The following NCOA7 variants were observed in gnomAD, a reference collection of about 807,000 sequenced individuals.
NCOA7 encodes the protein nuclear receptor coactivator 7, also known as 140 kDa estrogen receptor-associated protein.
A neutral mutation model predicts 104.3 loss-of-function variants in NCOA7; 45 were observed. The ratio of observed to expected loss-of-function variants is 0.43; its 90% CI spans 0.34 to 0.55. The LOEUF is 0.55. Among genes scored for constraint, NCOA7 ranks in the 20% least tolerant of loss-of-function variants. The probability of loss-of-function intolerance (pLI) is 0.02; values close to 1 mark genes in which losing one functional copy is unlikely to be tolerated. For missense variants in NCOA7, 1,041 were observed against 1,119.7 expected, an observed-to-expected ratio of 0.93 and a Z score of 1.00; for synonymous variants, 398 against 402.3, an observed-to-expected ratio of 0.99 and a Z score of 0.13.
rs1780732333 is a variant in NCOA7, at chr6:125,847,544, T to G, written c.51-7476T>G. Among the ~76,000 whole-genome samples, 4 of 152,204 alleles carry G rather than the reference T, an allele frequency of 2.6e-5. 1 individual carries two copies. The South Asian group carries it at 8.3e-4, about 31-fold the overall frequency. On this transcript the variant is annotated intron_variant, in intron 2 of 15. Coordinates refer to ENST00000392477, the MANE Select transcript of NCOA7 (RefSeq NM_181782.5). Reference sequence around the variant, plus strand: ...AACAGAGTCATATATAACTGTGAATTTAATACTAATTAAAGCAGTCTGTAG... The same window carrying G: ...AACAGAGTCATATATAACTGTGAATGTAATACTAATTAAAGCAGTCTGTAG...
chr6:125,862,810 A>C (rs984550518), intron 3 of NCOA7, among the ~76,000 whole-genome samples: 1 of 138,422 alleles, frequency 7.2e-6, no homozygotes, highest in Non-Finnish European at 1.5e-5. Context: ...CCTGGCCAAC[A>C]TGGTGAAACC....
intron 11 of NCOA7, chr6:125,919,199 C>T: frequency 6.5e-7 from 1 of 1,547,280 alleles, no homozygotes; most frequent in Non-Finnish European, 8.7e-7. Context: ...AATGTTGAAA[C>T]TTCTCCTGAG....
intron 12 of NCOA7, among the ~76,000 whole-genome samples, chr6:125,921,387 G>A (rs577528659): frequency 8.6e-5 from 13 of 151,796 alleles, no homozygotes; most frequent in Admixed American, 3.9e-4. Context: ...TCCAGCCTGC[G>A]CAACAGAGTG....
intron 2 of NCOA7, among the ~76,000 whole-genome samples, chr6:125,841,726 G>A (rs1780195703): frequency 6.6e-6 from 1 of 152,054 alleles, no homozygotes; most frequent in Non-Finnish European, 1.5e-5. Flanking sequence ...GGTACTACCA[G>A]TCTACCACCC....
chr6:125,855,669 A>AAAAAC (rs1781489244), intron 3 of NCOA7: 1 of 153,296 alleles, frequency 6.5e-6, no homozygotes, highest in South Asian at 2.0e-4. Flanking sequence ...AAACAAAAAC[A>AAAAAC]AACAAAAAAA....
intron 2 of NCOA7, among the ~76,000 whole-genome samples, chr6:125,844,425 G>T (rs1006472535): frequency 9.8e-5 from 15 of 152,302 alleles, no homozygotes; most frequent in African/African-American, 3.4e-4. Context: ...CTAGAATCAG[G>T]AACATCCACA....
intron 3 of NCOA7, among the ~76,000 whole-genome samples, chr6:125,866,942 A>C (rs969480266): frequency 6.6e-6 from 1 of 152,224 alleles, no homozygotes; most frequent in African/African-American, 2.4e-5. Context: ...TGCCATAAAA[A>C]ATTATTTTTT....
At chr6:125,915,518 A>C in intron 11 of NCOA7, 38 bp downstream of exon 11, 1 of 1,611,168 alleles carries the variant, frequency 6.2e-7, no homozygotes, top group Non-Finnish European at 8.5e-7. Context: ...CGTAGTTCCT[A>C]AGGTACAGTA....
intron 1 of NCOA7, among the ~76,000 whole-genome samples, chr6:125,781,701 TAG>T (rs1463617289): frequency 1.3e-5 from 2 of 152,230 alleles, no homozygotes; most frequent in Admixed American, 6.5e-5. Context: ...TAAATTTGTA[TAG>T]GTTTAGTCAC....
chr6:125,891,115 A>T (rs958899650), intron 10 of NCOA7, among the ~76,000 whole-genome samples: 1 of 152,208 alleles, frequency 6.6e-6, no homozygotes, highest in Admixed American at 6.5e-5. Flanking sequence ...GTGCTCTTTC[A>T]TTGAGGATAA....
At chr6:125,861,658 A>G (rs1782058164) in intron 3 of NCOA7, among the ~76,000 whole-genome samples, 1 of 152,196 alleles carries the variant, frequency 6.6e-6, no homozygotes, top group South Asian at 2.1e-4. Context: ...AAGTCAAATT[A>G]GTGTTTTCGT....
chr6:125,894,723 G>C (rs563927500), intron 10 of NCOA7, among the ~76,000 whole-genome samples: 2 of 151,414 alleles, frequency 1.3e-5, no homozygotes, highest in South Asian at 2.1e-4. Context: ...TGTATTAACC[G>C]ATTTCCCATT....
At chr6:125,877,462 A>G (rs78869905) in intron 4 of NCOA7, among the ~76,000 whole-genome samples, 1 of 152,206 alleles carries the variant, frequency 6.6e-6, no homozygotes, top group East Asian at 1.9e-4. Flanking sequence ...TAGCAAGTCT[A>G]TCTGGCAGCT....
At chr6:125,809,279 C>T (rs1776746312) in intron 1 of NCOA7, among the ~76,000 whole-genome samples, 1 of 152,074 alleles carries the variant, frequency 6.6e-6, no homozygotes, top group Non-Finnish European at 1.5e-5. Flanking sequence ...ACCTCCGCCT[C>T]TCAGGTTGAT....
chr6:125,885,076 C>T (rs1784145818), intron 7 of NCOA7, 83 bp from the exon 8 acceptor site: 2 of 1,410,220 alleles, frequency 1.4e-6, no homozygotes, highest in Non-Finnish European at 2.0e-6. Context: ...ATGGAGTGGC[C>T]ATCTGAGTTA....
intron 2 of NCOA7, among the ~76,000 whole-genome samples, chr6:125,823,577 A>G (rs933673974): frequency 6.6e-6 from 1 of 152,208 alleles, no homozygotes; most frequent in Non-Finnish European, 1.5e-5. Context: ...ATTGCTTGAC[A>G]TTCATTACTG....
At chr6:125,851,570 G>T (rs1197523990) in intron 2 of NCOA7, among the ~76,000 whole-genome samples, 2 of 152,188 alleles carry the variant, frequency 1.3e-5, no homozygotes, top group African/African-American at 2.4e-5. Context: ...ACACATGCAG[G>T]TATTGTTTTC....
chr6:125,793,521 G>T (rs1254526906), intron 1 of NCOA7, among the ~76,000 whole-genome samples: 2 of 152,136 alleles, frequency 1.3e-5, no homozygotes, highest in East Asian at 3.9e-4. Flanking sequence ...GTGCCTCTGG[G>T]ATTGGTTGAC....
At chr6:125,842,496 G>T (rs675287) in intron 2 of NCOA7, among the ~76,000 whole-genome samples, 1 of 152,208 alleles carries the variant, frequency 6.6e-6, no homozygotes, top group African/African-American at 2.4e-5. Flanking sequence ...AGTAGTCAGA[G>T]AATACAGTTC....
Sources: allele counts gnomAD v4.1 joint callset (sites outside exome capture counted in the v4.1 genomes callset), GRCh38; gene constraint gnomAD v4.1.1; transcripts MANE v1.5; gene names NCBI Gene and HGNC (gene_info 2026-07-23, HGNC 2026-07-21).